The following DGKB variants were observed in gnomAD, a reference collection of about 807,000 sequenced individuals.
DGKB encodes the protein 90 kDa diacylglycerol kinase.
In DGKB, 67 loss-of-function variants were observed where a neutral mutation model predicts 114.3. The ratio of observed to expected loss-of-function variants is 0.59; its 90% CI spans 0.48 to 0.72. DGKB has a LOEUF of 0.72. Ranked by LOEUF, DGKB falls within the 30% of genes least tolerant of loss-of-function variation. The pLI is 0.00. For missense variants in DGKB, 907 were observed against 975.2 expected (o/e 0.93, Z 0.93); for synonymous variants, 398 against 323.1 (o/e 1.23, Z -2.49).
intron 1 of DGKB, among the ~76,000 whole-genome samples, chr7:14,958,457 AC>A (rs1786646466): frequency 6.6e-6 from 1 of 151,346 alleles, no homozygotes; most frequent in Non-Finnish European, 1.5e-5. Context: ...ACACACACAC[AC>A]ACACACACAC....
At chr7:14,394,251 C>T (rs979903459) in intron 21 of DGKB, among the ~76,000 whole-genome samples, 3 of 152,108 alleles carry the variant, frequency 2.0e-5, no homozygotes, top group Non-Finnish European at 4.4e-5. Flanking sequence ...ACCAAAGCAT[C>T]GTTAAAGACT....
intron 4 of DGKB, among the ~76,000 whole-genome samples, chr7:14,747,347 C>T (rs1440156345): frequency 6.8e-6 from 1 of 146,458 alleles, no homozygotes; most frequent in Non-Finnish European, 1.5e-5. Context: ...ATTGTGCCAC[C>T]ATGCCTGGCT....
At chr7:14,746,281 C>G (rs942473435) in intron 4 of DGKB, among the ~76,000 whole-genome samples, 6 of 152,120 alleles carry the variant, frequency 3.9e-5, no homozygotes, top group African/African-American at 1.4e-4. Flanking sequence ...TTGCAGTGAG[C>G]TGAGATCACA....
chr7:14,704,403 A>C (rs1406615021), intron 6 of DGKB, among the ~76,000 whole-genome samples: 3 of 146,488 alleles, frequency 2.0e-5, no homozygotes, highest in African/African-American at 5.1e-5. Context: ...AGCCGAGATC[A>C]CGCCACTGCA....
intron 2 of DGKB, among the ~76,000 whole-genome samples, chr7:14,764,944 C>A (rs1319867410): frequency 6.6e-6 from 1 of 151,658 alleles, no homozygotes; most frequent in Non-Finnish European, 1.5e-5. Flanking sequence ...AAAATAAATA[C>A]CTACAGGACT....
chr7:14,916,819 T>C (rs886094689), intron 1 of DGKB, among the ~76,000 whole-genome samples: 1 of 152,014 alleles, frequency 6.6e-6, no homozygotes, highest in Non-Finnish European at 1.5e-5. Flanking sequence ...AAAGATTTTG[T>C]CCAATGACAG....
chr7:14,937,272 T>C (rs923706614), intron 1 of DGKB, among the ~76,000 whole-genome samples: 3 of 152,048 alleles, frequency 2.0e-5, no homozygotes, highest in African/African-American at 7.2e-5. Flanking sequence ...AATTCTGATT[T>C]ATATAAAGTT....
intron 6 of DGKB, among the ~76,000 whole-genome samples, chr7:14,704,429 CA>C (rs1360298610): frequency 1.6e-5 from 2 of 121,546 alleles, no homozygotes; most frequent in Non-Finnish European, 3.2e-5. Flanking sequence ...GCCTGGGCGA[CA>C]GAGCGAGACT....
intron 20 of DGKB, among the ~76,000 whole-genome samples, chr7:14,509,196 A>C (rs191857778): frequency 6.6e-6 from 1 of 152,250 alleles, no homozygotes; most frequent in Non-Finnish European, 1.5e-5. Context: ...AATACCTCAG[A>C]GATATTGAGG....
At chr7:14,927,009 GCA>G (rs777968922) in intron 1 of DGKB, among the ~76,000 whole-genome samples, 1 of 151,990 alleles carries the variant, frequency 6.6e-6, no homozygotes, top group East Asian at 1.9e-4. Context: ...AATTTGGGCT[GCA>G]GACTCTTGAA....
At chr7:14,327,083 G>C (rs1808870516) in intron 23 of DGKB, among the ~76,000 whole-genome samples, 1 of 151,868 alleles carries the variant, frequency 6.6e-6, no homozygotes, top group South Asian at 2.1e-4. Flanking sequence ...TTTCATTTTT[G>C]ATTATTTTAA....
chr7:14,240,531 C>A (rs1370734398), intron 23 of DGKB, among the ~76,000 whole-genome samples: 1 of 152,028 alleles, frequency 6.6e-6, no homozygotes, highest in Non-Finnish European at 1.5e-5. Context: ...TCAGAGCTGT[C>A]CCTGTGACCA....
chr7:14,532,891 T>C (rs1376655557), intron 20 of DGKB, among the ~76,000 whole-genome samples: 1 of 151,644 alleles, frequency 6.6e-6, no homozygotes, highest in African/African-American at 2.4e-5. Context: ...AAATTATAAG[T>C]GAAAGTCTTT....
intron 1 of DGKB, among the ~76,000 whole-genome samples, chr7:14,931,399 C>A (rs570558917): frequency 2.6e-5 from 4 of 152,142 alleles, no homozygotes; most frequent in Non-Finnish European, 5.9e-5. Context: ...CGTGAGCCAC[C>A]GTGCCCAGCA....
At chr7:14,462,245 G>A (rs1833189831) in intron 21 of DGKB, among the ~76,000 whole-genome samples, 1 of 152,158 alleles carries the variant, frequency 6.6e-6, no homozygotes, top group Non-Finnish European at 1.5e-5. Flanking sequence ...AGTATTGGAA[G>A]TTCTGGCCAG....
chr7:14,790,948 G>T (rs1840584643), intron 2 of DGKB, among the ~76,000 whole-genome samples: 1 of 151,974 alleles, frequency 6.6e-6, no homozygotes, highest in Non-Finnish European at 1.5e-5. Context: ...ATTGTATATT[G>T]ATCAATTTAT....
chr7:14,580,808 A>T (rs1799812142), intron 19 of DGKB, 54 bp downstream of exon 19: 1 of 1,235,994 alleles, frequency 8.1e-7, no homozygotes, highest in South Asian at 1.4e-5. Context: ...TTTGTTTTGC[A>T]AGGGAAAGGG....
chr7:14,189,705 G>C (rs1172255861), intron 23 of DGKB, among the ~76,000 whole-genome samples: 1 of 152,014 alleles, frequency 6.6e-6, no homozygotes, highest in Admixed American at 6.6e-5. Flanking sequence ...CAAAGGGATA[G>C]AAAAAGATAT....
At chr7:14,221,266 A>C (rs1009755337) in intron 23 of DGKB, among the ~76,000 whole-genome samples, 1 of 151,426 alleles carries the variant, frequency 6.6e-6, no homozygotes. Context: ...TTATTTCTGA[A>C]TAAAGCATCT....
Sources: gnomAD v4.1 joint callset for allele counts (sites outside exome capture counted in the v4.1 genomes callset) on GRCh38, gnomAD v4.1.1 for gene constraint, MANE v1.5 for transcripts, NCBI Gene and HGNC (gene_info 2026-07-23, HGNC 2026-07-21) for gene names.